The following GCNA variants were observed in gnomAD, a reference collection of about 807,000 sequenced individuals.
GCNA encodes germ cell nuclear acidic peptidase.
GCNA carries 3 observed loss-of-function variants against 38.8 expected under a neutral mutation model. The ratio of observed to expected loss-of-function variants is 0.08; its 90% CI spans 0.04 to 0.20. The LOEUF is 0.20. Ranked by LOEUF, GCNA falls within the 10% of genes least tolerant of loss-of-function variation. The pLI, the probability that GCNA is intolerant of heterozygous loss-of-function variation, is 1.00. For synonymous variants in GCNA, 195 were observed against 240.2 expected (o/e 0.81, Z 1.74); for missense variants, 446 against 578.6 (o/e 0.77, Z 2.35).
At chrX:71,612,758 AC>A (rs1308598450) in intron 12 of GCNA, 103 bp from the exon 13 acceptor site, 46 of 1,107,489 alleles carry the variant, frequency 4.2e-5, no homozygotes, top group Non-Finnish European at 5.4e-5. Flanking sequence ...GTCTCTGACA[AC>A]CCAGAGAAAA....
intron 9 of GCNA, 125 bp from the exon 10 acceptor site, chrX:71,608,848 C>T: frequency 1.2e-6 from 1 of 815,447 alleles, no homozygotes; most frequent in Non-Finnish European, 1.7e-6. Context: ...TGGGAAATGC[C>T]CTGATCTAAG....
intron 2 of GCNA, among the ~76,000 whole-genome samples, chrX:71,583,855 A>G (rs958383906): frequency 6.7e-5 from 7 of 103,929 alleles, no homozygotes; most frequent in African/African-American, 2.5e-4. Context: ...ATGCCACCAC[A>G]CCCGCCTAAC....
chrX:71,604,196 G>A lies in GCNA; in HGVS notation c.919G>A (p.Asp307Asn), dbSNP rs142978522. The A allele has an allele frequency of 1.7e-5, 21 of 1,211,169 alleles. No individual in the cohort carries two copies. In the African/African-American group the frequency reaches 2.8e-4, roughly 16 times the overall value. The change falls in exon 8 of 13, where the codon GAC becomes AAC. Residue 307 changes from aspartate (D) to asparagine (N), a missense_variant. Asp to Asn is a conservative substitution (Grantham distance 23). Transcript: ENST00000373696. ...DSSDDSEAPD[D>N]KSDDSDVPED... ...CAGTGATGATTCGGAAGCTCCCGACGACAAGAGTGATGATTCGGATGTTCC... is the reference window on the plus strand; with the variant it reads ...CAGTGATGATTCGGAAGCTCCCGACAACAAGAGTGATGATTCGGATGTTCC...
rs763616661 is a variant in GCNA at position 71,612,851 on chromosome X, T to C, written c.1956-11T>C. The C allele has an allele frequency of 8.3e-7, 1 of 1,209,158 alleles. No homozygotes were observed. Among genetic ancestry groups the C allele is most frequent in the Non-Finnish European group, 1.1e-6 (1 of 894,211 alleles). ...GATTCTTTTGTTGTGTGTTGTTCCA[T>C]TCCTTCCCAGGATTGGCTGCTACAC... On this transcript the variant is annotated splice_polypyrimidine_tract_variant and intron_variant, in intron 12 of 12. Coordinates refer to ENST00000373696, the MANE Select transcript of GCNA (RefSeq NM_052957.5).
At chrX:71,585,428 A>C (rs893007911) in intron 2 of GCNA, among the ~76,000 whole-genome samples, 2 of 111,358 alleles carry the variant, frequency 1.8e-5, no homozygotes, top group African/African-American at 6.5e-5. Flanking sequence ...AGTTGTCCTG[A>C]GAGGTAAATG....
intron 11 of GCNA, 146 bp downstream of exon 11, chrX:71,610,965 A>G (rs2040806052): frequency 1.2e-6 from 1 of 803,223 alleles, no homozygotes; most frequent in Non-Finnish European, 1.7e-6. Context: ...CTTAGAGGAC[A>G]TAGTTATTGG....
chrX:71,588,090 C>T (rs998206693), intron 2 of GCNA, among the ~76,000 whole-genome samples: 2 of 111,831 alleles, frequency 1.8e-5, no homozygotes, highest in African/African-American at 6.5e-5. Flanking sequence ...CCACTGCATC[C>T]GGCCAAAAAT....
At chrX:71,597,491 G>A (rs2040680079) in intron 6 of GCNA, among the ~76,000 whole-genome samples, 1 of 110,771 alleles carries the variant, frequency 9.0e-6, no homozygotes, top group African/African-American at 3.3e-5. Context: ...CAGTTCAAGA[G>A]GGTGGTGCTG....
chrX:71,610,947 G>C, intron 11 of GCNA, 128 bp downstream of exon 11: 2 of 941,616 alleles, frequency 2.1e-6, no homozygotes, highest in Non-Finnish European at 2.9e-6. Context: ...CAGGCATGCT[G>C]TGTGTTGCTT....
chrX:71,586,139 GTT>G (rs369229738), intron 2 of GCNA, among the ~76,000 whole-genome samples: 7 of 89,693 alleles, frequency 7.8e-5, no homozygotes, highest in African/African-American at 1.2e-4. Flanking sequence ...TGAAATAAAT[GTT>G]TTTTTTTTTT....
chrX:71,603,430 T>C (rs1294769472), intron 7 of GCNA, among the ~76,000 whole-genome samples, 158 bp from the exon 8 acceptor site: 1 of 112,496 alleles, frequency 8.9e-6, no homozygotes, highest in Non-Finnish European at 1.9e-5. Context: ...TTTCCATTTG[T>C]TGGTGTCTCC....
intron 12 of GCNA, 53 bp from the exon 13 acceptor site, chrX:71,612,809 G>A (rs2040822850): frequency 8.4e-7 from 1 of 1,189,656 alleles, no homozygotes; most frequent in African/African-American, 1.8e-5. Flanking sequence ...CAGAGCTGAT[G>A]CTGAGGTGCA....
chrX:71,578,794 G>T (rs1048009497), intron 1 of GCNA, among the ~76,000 whole-genome samples: 1 of 110,404 alleles, frequency 9.1e-6, no homozygotes, highest in Non-Finnish European at 1.9e-5. Flanking sequence ...CGGTGGCGGC[G>T]TAGGAGCAGC....
chrX:71,588,881 CTTTTT>C (rs10706633), intron 2 of GCNA, among the ~76,000 whole-genome samples: 6 of 106,666 alleles, frequency 5.6e-5, no homozygotes, highest in Admixed American at 3.1e-4. Context: ...TCTTTTATAA[CTTTTT>C]TTTAAGTTTT....
chrX:71,608,341 C>T (rs750454445), intron 9 of GCNA, among the ~76,000 whole-genome samples: 4 of 112,185 alleles, frequency 3.6e-5, no homozygotes, highest in South Asian at 3.7e-4. Context: ...GGCGCGATCT[C>T]GGCTCACTGC....
At chrX:71,593,976 G>A (rs907243222) in intron 4 of GCNA, among the ~76,000 whole-genome samples, 14 of 111,777 alleles carry the variant, frequency 1.3e-4, no homozygotes, top group African/African-American at 3.3e-4. Context: ...TCAGCCTCCC[G>A]AGTTGGTGGG....
At chrX:71,583,317 A>G (rs758740119) in intron 2 of GCNA, among the ~76,000 whole-genome samples, 2 of 111,008 alleles carry the variant, frequency 1.8e-5, no homozygotes, top group African/African-American at 3.3e-5. Flanking sequence ...ATTTTGCCAT[A>G]GTCATTAAAA....
chrX:71,610,955 C>A (rs2040805943), intron 11 of GCNA, 136 bp downstream of exon 11: 4 of 859,456 alleles, frequency 4.7e-6, no homozygotes, highest in Non-Finnish European at 6.4e-6. Context: ...CTGTGTGTTG[C>A]TTAGAGGACA....
intron 11 of GCNA, 91 bp from the exon 12 acceptor site, chrX:71,612,264 C>A (rs2147735477): frequency 4.1e-6 from 3 of 733,919 alleles, no homozygotes; most frequent in Admixed American, 5.1e-5. Flanking sequence ...GGCGACAAAG[C>A]AAGACTATCT....
Sources: gnomAD v4.1 joint callset for allele counts (sites outside exome capture counted in the v4.1 genomes callset) on GRCh38, gnomAD v4.1.1 for gene constraint, MANE v1.5 for transcripts, NCBI Gene and HGNC (gene_info 2026-07-23, HGNC 2026-07-21) for gene names.